The following CTNNA3 variants were observed in gnomAD, a reference collection of about 807,000 sequenced individuals.
CTNNA3 encodes the protein catenin alpha 3.
CTNNA3 carries 76 observed loss-of-function variants against 95.7 expected under a neutral mutation model. The ratio of observed to expected loss-of-function variants is 0.79; its 90% CI spans 0.66 to 0.96. The LOEUF is 0.96. Ranked by LOEUF, CTNNA3 falls within the 40% of genes least tolerant of loss-of-function variation. The probability of loss-of-function intolerance (pLI) is 0.00; values close to 1 mark genes in which losing one functional copy is unlikely to be tolerated. For missense variants in CTNNA3, 1,191 were observed against 1,089.8 expected (o/e 1.09, Z -1.31); for synonymous variants, 431 against 374.4 (o/e 1.15, Z -1.74).
chr10:67,381,291 T>G (rs1338226250), intron 5 of CTNNA3, among the ~76,000 whole-genome samples: 1 of 152,200 alleles, frequency 6.6e-6, no homozygotes, highest in African/African-American at 2.4e-5. Flanking sequence ...CAGACTTTCC[T>G]AAGGCCACAA....
rs183886909 is a variant in CTNNA3, at chr10:66,030,231, G to T, written c.2159+39077C>A. Among the ~76,000 whole-genome samples, 193 of 152,134 alleles carry T rather than the reference G, an allele frequency of 1.3e-3. 2 individuals are homozygous for T. Among genetic ancestry groups the T allele is most frequent in the African/African-American group, 4.2e-3 (176 of 41,534 alleles). On this transcript the variant is annotated intron_variant, in intron 15 of 17. Coordinates refer to ENST00000433211, the MANE Select transcript of CTNNA3 (RefSeq NM_013266.4). The stretch of plus-strand genomic sequence containing the variant: ...TTACAAAAAAACTGTTCTAAAATTT[G>T]TATGGAATCAAAAGAGAGCCTGAAT...
At chr10:66,354,008 C>T (rs745396614) in intron 12 of CTNNA3, among the ~76,000 whole-genome samples, 1 of 152,074 alleles carries the variant, frequency 6.6e-6, no homozygotes, top group Non-Finnish European at 1.5e-5. Flanking sequence ...CACGGCCAGA[C>T]GCAGCGGCTC....
chr10:67,750,496 G>A (rs1241054058), intron 1 of CTNNA3: 4 of 1,547,298 alleles, frequency 2.6e-6, no homozygotes, highest in Non-Finnish European at 3.6e-6. Context: ...TAAAGCGGGA[G>A]GACCTCTTCA....
In CTNNA3 at chr10:67,557,938, A is replaced by T. The variant is rs1268100675; in HGVS notation, c.293-18269T>A. On this transcript the variant is annotated intron_variant, in intron 3 of 17. Coordinates refer to ENST00000433211, the MANE Select transcript of CTNNA3 (RefSeq NM_013266.4). ...ACAAATGCTTCTGCCACTAGATTGC[A>T]ACAAGACCCTATCTCTCTAAACATG... Among the ~76,000 whole-genome samples the T allele has an allele frequency of 2.6e-5, 4 of 152,224 alleles. No individual in the cohort carries two copies. The East Asian group carries it at 7.7e-4, about 29-fold the overall frequency.
chr10:65,922,048 G>C (rs1340745066), intron 17 of CTNNA3, among the ~76,000 whole-genome samples: 2 of 152,086 alleles, frequency 1.3e-5, no homozygotes, highest in South Asian at 2.1e-4. Flanking sequence ...TGGAAGGTCT[G>C]GTGACTTGCT....
chr10:67,553,563 T>C (rs1841109672), intron 3 of CTNNA3, among the ~76,000 whole-genome samples: 1 of 152,172 alleles, frequency 6.6e-6, no homozygotes, highest in Admixed American at 6.5e-5. Flanking sequence ...ATTTTACTTA[T>C]TAGCAGCATT....
chr10:66,163,992 ATT>A (rs1230609138), intron 13 of CTNNA3, among the ~76,000 whole-genome samples: 2 of 152,202 alleles, frequency 1.3e-5, no homozygotes, highest in Non-Finnish European at 2.9e-5. Flanking sequence ...AATGAAAACA[ATT>A]AAAAGCAACA....
At chr10:66,687,716 T>C (rs56094915) in intron 9 of CTNNA3, among the ~76,000 whole-genome samples, 75,894 of 140,904 alleles carry the variant, frequency 0.54, 19,663 homozygotes, top group Middle Eastern at 0.6. Flanking sequence ...TATATATATA[T>C]ATACACACAC....
intron 7 of CTNNA3, chr10:67,012,318 C>T (rs918333416): frequency 6.6e-6 from 1 of 152,198 alleles, no homozygotes; most frequent in Non-Finnish European, 1.5e-5. Flanking sequence ...AATGCCACCA[C>T]CTCGGTGCCA....
intron 7 of CTNNA3, among the ~76,000 whole-genome samples, chr10:66,979,888 A>T (rs910327960): frequency 6.6e-6 from 1 of 152,152 alleles, no homozygotes; most frequent in Admixed American, 6.5e-5. Context: ...AAATAGAAAA[A>T]GCCTGTTTTT....
intron 13 of CTNNA3, among the ~76,000 whole-genome samples, chr10:66,222,843 T>A (rs2089044556): frequency 6.6e-6 from 1 of 152,128 alleles, no homozygotes; most frequent in Admixed American, 6.5e-5. Flanking sequence ...ATAAAGCAGC[T>A]GCTTAAAAAT....
chr10:67,329,812 GTTTAC>G (rs1448230152), intron 5 of CTNNA3, among the ~76,000 whole-genome samples: 5 of 152,196 alleles, frequency 3.3e-5, no homozygotes, highest in African/African-American at 1.2e-4. Context: ...TGAGACAGAA[GTTTAC>G]TTTGCTTTCA....
At chr10:66,581,233 T>G (rs1434889043) in intron 10 of CTNNA3, among the ~76,000 whole-genome samples, 2 of 151,720 alleles carry the variant, frequency 1.3e-5, no homozygotes, top group Non-Finnish European at 3.0e-5. Context: ...CTTTGATATA[T>G]TCATTCCTTT....
At chr10:67,502,301 C>A (rs1282855654) in intron 5 of CTNNA3, among the ~76,000 whole-genome samples, 1 of 152,174 alleles carries the variant, frequency 6.6e-6, no homozygotes, top group Non-Finnish European at 1.5e-5. Flanking sequence ...CCAGCGGAGG[C>A]TGCAGAACAG....
chr10:67,637,971 C>T (rs1839382830), intron 2 of CTNNA3, among the ~76,000 whole-genome samples: 1 of 152,176 alleles, frequency 6.6e-6, no homozygotes, highest in African/African-American at 2.4e-5. Flanking sequence ...AGCAAAATAA[C>T]CAGCTAACAT....
At chr10:67,137,792 C>T (rs1050495262) in intron 7 of CTNNA3, among the ~76,000 whole-genome samples, 4 of 152,074 alleles carry the variant, frequency 2.6e-5, no homozygotes, top group East Asian at 1.9e-4. Flanking sequence ...ATTATTCCAT[C>T]TTCCACCCTA....
At chr10:67,429,482 A>G (rs1320861364) in intron 5 of CTNNA3, among the ~76,000 whole-genome samples, 1 of 152,010 alleles carries the variant, frequency 6.6e-6, no homozygotes, top group Non-Finnish European at 1.5e-5. Context: ...TGATTCCCCA[A>G]AGCAAGAAAT....
chr10:67,042,878 G>A (rs1156693010), intron 7 of CTNNA3, among the ~76,000 whole-genome samples: 1 of 152,116 alleles, frequency 6.6e-6, no homozygotes, highest in Admixed American at 6.5e-5. Flanking sequence ...AAGGGCAATA[G>A]ACCAGAGGGT....
At chr10:67,196,244 T>A (rs1863364834) in intron 6 of CTNNA3, among the ~76,000 whole-genome samples, 1 of 152,018 alleles carries the variant, frequency 6.6e-6, no homozygotes, top group Non-Finnish European at 1.5e-5. Context: ...ATAAAAAAAA[T>A]TTTAAGAAGG....
Sources: allele counts gnomAD v4.1 joint callset (sites outside exome capture counted in the v4.1 genomes callset), GRCh38; gene constraint gnomAD v4.1.1; transcripts MANE v1.5; gene names NCBI Gene and HGNC (gene_info 2026-07-23, HGNC 2026-07-21).